SUGCT: variants seen among roughly 807,000 people sequenced by gnomAD.
The protein encoded by SUGCT is succinyl-CoA:glutarate CoA-transferase.
Under a neutral mutation model 55.0 loss-of-function variants are expected in SUGCT, and 41 were observed. The ratio of observed to expected loss-of-function variants is 0.74; its 90% confidence interval spans 0.58 to 0.97. SUGCT has a LOEUF of 0.97. Ranked by LOEUF, SUGCT falls within the 50% of genes least tolerant of loss-of-function variation. The pLI is 0.00. For missense variants in SUGCT, 568 were observed against 547.8 expected, an observed-to-expected ratio of 1.04 and a Z score of -0.37; for synonymous variants, 187 against 200.4, an observed-to-expected ratio of 0.93 and a Z score of 0.56.
At chr7:40,800,637 A>G (rs1179286935) in intron 13 of SUGCT, among the ~76,000 whole-genome samples, 2 of 152,066 alleles carry the variant, frequency 1.3e-5, no homozygotes, top group Non-Finnish European at 2.9e-5. Context: ...GATACCACAG[A>G]AAGAAGATTC....
chr7:40,659,712 G>T (rs1380868430), intron 12 of SUGCT, among the ~76,000 whole-genome samples: 5 of 152,148 alleles, frequency 3.3e-5, no homozygotes, highest in Non-Finnish European at 7.4e-5. Flanking sequence ...GGAAAAAGAA[G>T]CCAATCCACC....
rs139889641 is a variant in SUGCT, at chr7:40,154,054, G to A, written c.100+18934G>A. The A allele has an allele frequency of 6.1e-4, 155 of 253,852 alleles. No homozygotes were observed. In the East Asian group the frequency reaches 7.5e-3, roughly 12 times the overall value. 15.7% of individuals were successfully genotyped at this position (253,852 alleles called of 1,614,324 possible). Reference sequence around the variant, plus strand: ...GTATGGTGAAAAGTGGATACAGTTCGGGTGAACATTGGGGGTCTTTGTGCT... The same window carrying A: ...GTATGGTGAAAAGTGGATACAGTTCAGGTGAACATTGGGGGTCTTTGTGCT... On this transcript the variant is annotated intron_variant, in intron 1 of 13. Coordinates refer to ENST00000335693, the MANE Select transcript of SUGCT (RefSeq NM_001193313.2).
intron 9 of SUGCT, among the ~76,000 whole-genome samples, chr7:40,327,730 A>G (rs1382537694): frequency 6.6e-6 from 1 of 152,200 alleles, no homozygotes; most frequent in African/African-American, 2.4e-5. Flanking sequence ...TGCCTAACAT[A>G]TTTGGCTAAA....
At chr7:40,644,493 A>G (rs938551871) in intron 12 of SUGCT, among the ~76,000 whole-genome samples, 1 of 152,210 alleles carries the variant, frequency 6.6e-6, no homozygotes, top group Non-Finnish European at 1.5e-5. Flanking sequence ...GGGTGGATCT[A>G]TGTTTCACAA....
At chr7:40,777,720 G>T (rs1278804210) in intron 13 of SUGCT, among the ~76,000 whole-genome samples, 2 of 151,894 alleles carry the variant, frequency 1.3e-5, no homozygotes, top group African/African-American at 4.8e-5. Flanking sequence ...TTCCTTTGGG[G>T]GCCTTTTTTT....
At chr7:40,274,073 CTTTTTTTT>C (rs386409972) in intron 7 of SUGCT, among the ~76,000 whole-genome samples, 8 of 68,002 alleles carry the variant, frequency 1.2e-4, no homozygotes, top group Admixed American at 2.7e-4. Context: ...TTTTTACCTT[CTTTTTTTT>C]TTTTTTTTTT....
At chr7:40,642,812 A>G (rs1800329450) in intron 12 of SUGCT, among the ~76,000 whole-genome samples, 1 of 152,136 alleles carries the variant, frequency 6.6e-6, no homozygotes, top group South Asian at 2.1e-4. Context: ...GTTTGTTTAG[A>G]AACACCCACC....
chr7:40,363,898 A>T (rs1783785512), intron 9 of SUGCT, among the ~76,000 whole-genome samples: 1 of 152,128 alleles, frequency 6.6e-6, no homozygotes, highest in Non-Finnish European at 1.5e-5. Flanking sequence ...GATCTGTCTA[A>T]TGTTGACAAT....
chr7:40,398,088 T>TTTTTC (rs774728811), intron 9 of SUGCT, among the ~76,000 whole-genome samples: 12 of 152,118 alleles, frequency 7.9e-5, no homozygotes, highest in Non-Finnish European at 1.5e-4. Flanking sequence ...CTCTATTTCT[T>TTTTTC]TTTTCTTTTC....
In SUGCT at chr7:40,195,032, T is replaced by C. The variant is rs753443747; in HGVS notation, c.456T>C (p.Ala152=). ...GATATGAAGATATAGACGAGATTGC[T>C]CCTCACATCATCTATTGTTCCATCA... ...GLGYEDIDEI[A]PHIIYCSITG... The change falls in exon 6 of 14, where the codon GCT becomes GCC. Residue 152 remains alanine (A), a synonymous_variant. Coordinates refer to ENST00000335693, the MANE Select transcript of SUGCT (RefSeq NM_001193313.2). The C allele has an allele frequency of 5.0e-6, 8 of 1,613,692 alleles. No homozygotes were observed. In the Admixed American group the frequency reaches 1.0e-4, roughly 20 times the overall value.
the SUGCT span, among the ~76,000 whole-genome samples, chr7:40,963,284 C>A: frequency 6.6e-6 from 1 of 152,064 alleles, no homozygotes; most frequent in Non-Finnish European, 1.5e-5. Flanking sequence ...CTCTTTGGCC[C>A]ACTGAACAAG....
chr7:40,589,790 G>A (rs1199013092), intron 12 of SUGCT, among the ~76,000 whole-genome samples: 1 of 151,982 alleles, frequency 6.6e-6, no homozygotes, highest in Non-Finnish European at 1.5e-5. Context: ...ATAACAAAAT[G>A]GTAAATTTGT....
At chr7:40,294,682 G>A (rs946503584) in intron 8 of SUGCT, among the ~76,000 whole-genome samples, 1 of 152,082 alleles carries the variant, frequency 6.6e-6, no homozygotes, top group African/African-American at 2.4e-5. Context: ...AAGTAGCTGG[G>A]ATTACAGGTG....
intron 9 of SUGCT, among the ~76,000 whole-genome samples, chr7:40,335,804 G>A (rs773107287): frequency 3.3e-5 from 5 of 152,200 alleles, no homozygotes; most frequent in African/African-American, 4.8e-5. Context: ...AGTGGTGAGA[G>A]AGGGCATCCC....
intron 8 of SUGCT, among the ~76,000 whole-genome samples, chr7:40,311,588 T>G (rs929808705): frequency 6.6e-6 from 1 of 152,192 alleles, no homozygotes; most frequent in African/African-American, 2.4e-5. Flanking sequence ...GTTTTGTTCT[T>G]TCTCTATGCC....
intron 9 of SUGCT, among the ~76,000 whole-genome samples, chr7:40,437,273 T>C (rs2151399282): frequency 6.6e-6 from 1 of 152,300 alleles, no homozygotes; most frequent in African/African-American, 2.4e-5. Context: ...CTACATATGT[T>C]GGATTGGAAG....
chr7:40,178,197 T>C (rs1176050246), intron 1 of SUGCT, among the ~76,000 whole-genome samples: 1 of 152,230 alleles, frequency 6.6e-6, no homozygotes, highest in Non-Finnish European at 1.5e-5. Flanking sequence ...TTTAAAGAAA[T>C]AAACATTTCC....
At chr7:40,595,662 T>C (rs1455697526) in intron 12 of SUGCT, among the ~76,000 whole-genome samples, 1 of 150,446 alleles carries the variant, frequency 6.6e-6, no homozygotes, top group East Asian at 1.9e-4. Flanking sequence ...AAAAGTACGG[T>C]AAATTTTTAG....
chr7:40,424,821 T>A (rs886625882), intron 9 of SUGCT, among the ~76,000 whole-genome samples: 4 of 152,108 alleles, frequency 2.6e-5, no homozygotes, highest in Non-Finnish European at 5.9e-5. Context: ...TTGGTTTTTT[T>A]ATGAGGAAAG....
Sources: allele counts gnomAD v4.1 joint callset (sites outside exome capture counted in the v4.1 genomes callset), GRCh38; gene constraint gnomAD v4.1.1; transcripts MANE v1.5; gene names NCBI Gene and HGNC (gene_info 2026-07-23, HGNC 2026-07-21).